The following TNS1 variants were observed in gnomAD, a reference collection of about 807,000 sequenced individuals.
TNS1 encodes tensin 1.
TNS1 carries 62 observed loss-of-function variants against 168.6 expected under a neutral mutation model. The observed-to-expected ratio is 0.37, with a 90% CI of 0.30 to 0.45. TNS1 has a LOEUF of 0.45. TNS1 is among the 20% of genes least tolerant of loss of function. TNS1 has a pLI of 1.00. For synonymous variants in TNS1, 934 were observed against 933.2 expected (o/e 1.00, Z -0.02); for missense variants, 2,240 against 2,339.4 (o/e 0.96, Z 0.88).
chr2:217,958,184 A>T (rs905738640), intron 3 of TNS1, among the ~76,000 whole-genome samples: 1 of 152,246 alleles, frequency 6.6e-6, no homozygotes, highest in African/African-American at 2.4e-5. Flanking sequence ...ATCACTTAGA[A>T]TACATAAAAG....
intron 22 of TNS1, among the ~76,000 whole-genome samples, chr2:217,822,855 G>A (rs1486923883): frequency 1.3e-5 from 2 of 152,210 alleles, no homozygotes; most frequent in Non-Finnish European, 2.9e-5. Flanking sequence ...CCGCTTGAAA[G>A]AGGAAGAAGC....
At chr2:217,980,316 T>C (rs1230395908) in intron 2 of TNS1, among the ~76,000 whole-genome samples, 1 of 152,074 alleles carries the variant, frequency 6.6e-6, no homozygotes, top group African/African-American at 2.4e-5. Context: ...GTCTTTCTGC[T>C]TCTCCCTCTC....
At position 217,974,322 on chromosome 2, in the gene TNS1, G is replaced by A. The variant is rs138251033; in HGVS notation, c.186+4443C>T. Among the ~76,000 whole-genome samples, 321 of 152,358 alleles carry A rather than the reference G, an allele frequency of 2.1e-3. 2 individuals carry two copies. The highest frequency in any genetic ancestry group is 7.1e-3 in the African/African-American group (295 of 41,578). On this transcript the variant is annotated intron_variant, in intron 3 of 32. Coordinates refer to ENST00000682258, the MANE Select transcript of TNS1 (RefSeq NM_001387777.1). Reference sequence around the variant, plus strand: ...ATTATTTGCAGCACCCTCTGTGTCAGAAGATAGGAAGGTTTTTGGGAGGGG... The same window carrying A: ...ATTATTTGCAGCACCCTCTGTGTCAAAAGATAGGAAGGTTTTTGGGAGGGG...
At chr2:217,946,269 C>A (rs887517756) in intron 3 of TNS1, among the ~76,000 whole-genome samples, 8 of 152,170 alleles carry the variant, frequency 5.3e-5, no homozygotes, top group Non-Finnish European at 1.0e-4. Flanking sequence ...GCACCTGGGG[C>A]TTCCGCGGCT....
At chr2:217,814,756 G>A (rs571626435) in intron 25 of TNS1, among the ~76,000 whole-genome samples, 156 bp downstream of exon 25, 15 of 152,270 alleles carry the variant, frequency 9.9e-5, no homozygotes, top group Middle Eastern at 3.4e-3. Context: ...TTCACTGCAG[G>A]AAGTGCTTCC....
At chr2:217,974,988 A>G (rs1313749812) in intron 3 of TNS1, among the ~76,000 whole-genome samples, 1 of 152,194 alleles carries the variant, frequency 6.6e-6, no homozygotes, top group Admixed American at 6.5e-5. Flanking sequence ...ATATTGTAGA[A>G]ATAACAGTGT....
chr2:217,837,299 C>T (rs1049035874), intron 19 of TNS1, among the ~76,000 whole-genome samples: 5 of 152,228 alleles, frequency 3.3e-5, no homozygotes, highest in African/African-American at 1.2e-4. Context: ...ACAGAAACAT[C>T]TTCTGCCATC....
At chr2:217,846,717 A>G (rs58343915) in intron 19 of TNS1, among the ~76,000 whole-genome samples, 67,269 of 152,116 alleles carry the variant, frequency 0.44, 15,513 homozygotes, top group African/African-American at 0.59. Context: ...ACATGGCCCC[A>G]GACATGCTGT....
chr2:217,855,747 T>C (rs16858382), intron 18 of TNS1, among the ~76,000 whole-genome samples: 2,227 of 152,238 alleles, frequency 0.015, 48 homozygotes, highest in African/African-American at 0.051. Flanking sequence ...CCGAGAAAGC[T>C]TTATGTAGTT....
upstream of TNS1, among the ~76,000 whole-genome samples, chr2:218,011,922 A>G (rs563577525): frequency 4.1e-4 from 62 of 152,186 alleles, no homozygotes; most frequent in African/African-American, 1.4e-3. Context: ...ACCACCACAC[A>G]TGCTCTGGAT....
upstream of TNS1, among the ~76,000 whole-genome samples, chr2:218,007,172 A>C (rs117512644): frequency 3.1e-4 from 47 of 151,090 alleles, no homozygotes; most frequent in East Asian, 9.0e-3. Context: ...TCCCAACAGC[A>C]CGAGACCCAG....
At chr2:217,895,089 G>A (rs1466314046) in intron 8 of TNS1, 33 bp from the exon 9 acceptor site, 3 of 1,595,280 alleles carry the variant, frequency 1.9e-6, no homozygotes, top group African/African-American at 1.3e-5. Context: ...AGCATGAGGA[G>A]GTGAGGGTGA....
At chr2:217,918,781 T>G (rs1208493750) in intron 4 of TNS1, among the ~76,000 whole-genome samples, 3 of 146,196 alleles carry the variant, frequency 2.1e-5, no homozygotes, top group African/African-American at 7.6e-5. Flanking sequence ...TCCCATGGTG[T>G]CCCTCTGCAA....
chr2:217,891,026 G>T lies in TNS1; in HGVS notation c.802C>A (p.Arg268=). 1.2e-6 allele frequency: 2 copies of T among 1,614,120 alleles called. No individual in the cohort carries two copies. The highest frequency in any genetic ancestry group is 1.7e-6 in the Non-Finnish European group (2 of 1,180,018). The change falls in exon 12 of 33, where the codon CGG becomes AGG. Residue 268 remains arginine, a synonymous_variant. Transcript: ENST00000682258. ...ISASADQALD[R]FAMKRFYEDK... Reference sequence around the variant, plus strand: ...TCATAGAACCGCTTCATTGCAAACCGGTCCAGAGCCTGGTCCGCACTGCAG... The same window carrying T: ...TCATAGAACCGCTTCATTGCAAACCTGTCCAGAGCCTGGTCCGCACTGCAG...
chr2:217,899,463 G>A (rs768184577), intron 7 of TNS1, among the ~76,000 whole-genome samples: 7 of 152,132 alleles, frequency 4.6e-5, no homozygotes, highest in African/African-American at 9.7e-5. Context: ...GTGTGAGGGC[G>A]GGGAGCCTCA....
chr2:217,996,488 TAC>T (rs1958473242), intron 1 of TNS1, among the ~76,000 whole-genome samples: 1 of 152,012 alleles, frequency 6.6e-6, no homozygotes, highest in Non-Finnish European at 1.5e-5. Context: ...ACTTCACCTT[TAC>T]ACACACAAAT....
intron 19 of TNS1, among the ~76,000 whole-genome samples, chr2:217,840,654 A>C (rs1171376902): frequency 6.6e-6 from 1 of 152,206 alleles, no homozygotes; most frequent in African/African-American, 2.4e-5. Flanking sequence ...ACAGAGCAGC[A>C]GGGGCTGGGG....
intron 4 of TNS1, among the ~76,000 whole-genome samples, chr2:217,916,842 A>T (rs903058561): frequency 2.0e-5 from 3 of 152,204 alleles, no homozygotes; most frequent in Non-Finnish European, 4.4e-5. Flanking sequence ...CCAGACAGAG[A>T]GCTGGAACTC....
chr2:218,032,780 G>A lies in TNS1; in HGVS notation c.156+1040C>T, dbSNP rs1958908055. Among the ~76,000 whole-genome samples the A allele has an allele frequency of 6.6e-6, 1 of 152,180 alleles. No individual in the cohort carries two copies. The highest frequency in any genetic ancestry group is 2.1e-4 in the South Asian group (1 of 4,830). ...GAGTCAGGGCACAGCAGCTGGGATGGAGCTTGATCCCCACAGACAGAGGAG... is the reference window on the plus strand; with the variant it reads ...GAGTCAGGGCACAGCAGCTGGGATGAAGCTTGATCCCCACAGACAGAGGAG... On this transcript the variant is annotated intron_variant, in intron 1 of 1. Transcript: ENST00000649572. This position sits in a 1 kb window ranked among gnomAD's most constrained non-coding sequence, Gnocchi z 4.0.
Sources: allele counts gnomAD v4.1 joint callset (sites outside exome capture counted in the v4.1 genomes callset), GRCh38; gene constraint gnomAD v4.1.1; non-coding constraint Gnocchi (gnomAD v3.1); transcripts MANE v1.5; gene names NCBI Gene and HGNC (gene_info 2026-07-23, HGNC 2026-07-21).